The following RHOBTB1 variants were observed in gnomAD, a reference collection of about 807,000 sequenced individuals.
RHOBTB1 encodes Rho related BTB domain containing 1, also known as rho-related BTB domain-containing protein 1.
In RHOBTB1, 40 loss-of-function variants were observed where a neutral mutation model predicts 71.6. The ratio of observed to expected loss-of-function variants is 0.56; its 90% confidence interval spans 0.43 to 0.73. RHOBTB1 has a LOEUF of 0.73. Among genes scored for constraint, RHOBTB1 ranks in the 30% least tolerant of loss-of-function variants. The pLI is 0.00. For missense variants in RHOBTB1, 797 were observed against 894.0 expected, an observed-to-expected ratio of 0.89 and a Z score of 1.38; for synonymous variants, 319 against 334.9, an observed-to-expected ratio of 0.95 and a Z score of 0.52.
At position 60,888,656 on chromosome 10, in the gene RHOBTB1, G is replaced by A. The variant is rs747044660; in HGVS notation, c.1012C>T (p.Pro338Ser). The change falls in exon 6 of 11, where the codon CCT (proline) becomes TCT (serine). Residue 338 changes from proline (P) to serine (S), a missense_variant. This residue lies in a region of RHOBTB1 where 658 missense variants were observed against 681.5 expected (regional missense o/e 0.97). Transcript: ENST00000337910. ...CACTGGTCGGCCTGAGGAATCCTAG[G>A]CGGGCCCTCCTCCCTTTCTTCCTCT... ...DPEEEREEGP[P>S]RIPQADQWKS... 30 of 1,614,182 alleles carry A rather than the reference G, an allele frequency of 1.9e-5. No homozygotes were observed. Among genetic ancestry groups the A allele is most frequent in the Non-Finnish European group, 2.5e-5 (29 of 1,180,040 alleles).
At chr10:60,988,697 A>T (rs760683129) in intron 1 of RHOBTB1, among the ~76,000 whole-genome samples, 2 of 152,216 alleles carry the variant, frequency 1.3e-5, no homozygotes, top group Admixed American at 1.3e-4. Context: ...TCTTTATTCA[A>T]TCCACCACTG....
intron 2 of RHOBTB1, among the ~76,000 whole-genome samples, chr10:60,961,319 A>T (rs2085769004): frequency 6.6e-6 from 1 of 152,150 alleles, no homozygotes; most frequent in East Asian, 1.9e-4. Flanking sequence ...CCCTGGCTCC[A>T]CTGCTTACTA....
chr10:60,865,941 C>T (rs961080572), downstream of RHOBTB1, among the ~76,000 whole-genome samples: 2 of 152,158 alleles, frequency 1.3e-5, no homozygotes, highest in Non-Finnish European at 2.9e-5. Context: ...AAGCAATTTT[C>T]CTGCCTCAGC....
intron 7 of RHOBTB1, among the ~76,000 whole-genome samples, chr10:60,883,187 C>T (rs905992363): frequency 1.3e-5 from 2 of 152,120 alleles, no homozygotes; most frequent in Admixed American, 6.5e-5. Context: ...GGCTTGGTTC[C>T]GTGGTCTTTG....
intron 2 of RHOBTB1, among the ~76,000 whole-genome samples, chr10:60,982,875 T>C (rs2086547213): frequency 1.3e-5 from 2 of 152,156 alleles, no homozygotes; most frequent in African/African-American, 4.8e-5. Context: ...GTGCGTTTCA[T>C]TTGCCCTCTT....
chr10:60,959,029 A>C (rs1422627950), intron 2 of RHOBTB1, among the ~76,000 whole-genome samples: 1 of 152,192 alleles, frequency 6.6e-6, no homozygotes, highest in East Asian at 1.9e-4. Context: ...ACAATAGTAC[A>C]TCAGGACTAA....
chr10:60,972,178 C>A (rs2086179706), intron 2 of RHOBTB1, among the ~76,000 whole-genome samples: 1 of 152,172 alleles, frequency 6.6e-6, no homozygotes, highest in Non-Finnish European at 1.5e-5. Context: ...ACCCAGCAAT[C>A]CCATTATTGA....
At chr10:60,904,556 C>T (rs999019535) in intron 4 of RHOBTB1, among the ~76,000 whole-genome samples, 4 of 152,178 alleles carry the variant, frequency 2.6e-5, no homozygotes, top group African/African-American at 9.7e-5. Context: ...GTCCCTTACT[C>T]AAAAGCTCTC....
At chr10:60,945,595 G>A (rs2085191300), upstream of RHOBTB1, among the ~76,000 whole-genome samples, 1 of 152,120 alleles carries the variant, frequency 6.6e-6, no homozygotes, top group African/African-American at 2.4e-5. Context: ...CCAGTCCAGT[G>A]GATATTTCTA....
chr10:60,921,545 C>T (rs1363447125), intron 2 of RHOBTB1, among the ~76,000 whole-genome samples: 1 of 152,210 alleles, frequency 6.6e-6, no homozygotes, highest in African/African-American at 2.4e-5. Context: ...ATTCCACTTC[C>T]ACCCCACTGA....
At chr10:60,999,407 G>T (rs1413612737) in intron 1 of RHOBTB1, among the ~76,000 whole-genome samples, 1 of 152,196 alleles carries the variant, frequency 6.6e-6, no homozygotes, top group Non-Finnish European at 1.5e-5. Flanking sequence ...ATACTTAAAA[G>T]TAGCGTATAA....
At chr10:60,872,549 C>T (rs1273259492) in intron 9 of RHOBTB1, among the ~76,000 whole-genome samples, 3 of 152,100 alleles carry the variant, frequency 2.0e-5, no homozygotes, top group Non-Finnish European at 4.4e-5. Context: ...TTAAAGTATG[C>T]CTCGCCCTCC....
At chr10:60,867,251 T>C (rs1452341254), downstream of RHOBTB1, among the ~76,000 whole-genome samples, 1 of 152,204 alleles carries the variant, frequency 6.6e-6, no homozygotes, top group African/African-American at 2.4e-5. Context: ...AATCAAAGGA[T>C]ATATTTATTT....
intron 1 of RHOBTB1, among the ~76,000 whole-genome samples, chr10:60,997,272 G>T (rs1040375877): frequency 4.6e-5 from 7 of 152,110 alleles, no homozygotes; most frequent in Admixed American, 2.0e-4. Context: ...ATTGTGATTG[G>T]ATCTCAAAAT....
At position 60,896,802 on chromosome 10, in the gene RHOBTB1, T is replaced by A. The variant is rs1432894193; in HGVS notation, c.297-3807A>T. Among the ~76,000 whole-genome samples the A allele has an allele frequency of 2.0e-5, 3 of 152,156 alleles. No homozygotes were observed. The East Asian group carries it at 5.8e-4, about 29-fold the overall frequency. On this transcript the variant is annotated intron_variant, in intron 4 of 10. Coordinates refer to ENST00000337910, the MANE Select transcript of RHOBTB1 (RefSeq NM_014836.5). ...AATGTCCATGAAATAATGTTTTGAC[T>A]AGTCAAATCAAAAACAATCTGAAAT...
At chr10:60,932,205 A>G (rs992612709) in intron 2 of RHOBTB1, among the ~76,000 whole-genome samples, 3 of 152,172 alleles carry the variant, frequency 2.0e-5, no homozygotes, top group Non-Finnish European at 4.4e-5. Context: ...GCAGACGTCT[A>G]CACATTTTCA....
At chr10:60,890,693 T>C (rs560708191) in intron 5 of RHOBTB1, among the ~76,000 whole-genome samples, 1 of 152,282 alleles carries the variant, frequency 6.6e-6, no homozygotes, top group South Asian at 2.1e-4. Context: ...CAGACACTGG[T>C]CTTAGGAGGA....
At chr10:61,001,079 CGTGT>C (rs139082859) in intron 1 of RHOBTB1, among the ~76,000 whole-genome samples, 49 of 149,858 alleles carry the variant, frequency 3.3e-4, no homozygotes, top group African/African-American at 7.6e-4. Context: ...CGCGCGCACG[CGTGT>C]GTGTGTGTGT....
chr10:60,962,647 A>G (rs975185341), intron 2 of RHOBTB1, among the ~76,000 whole-genome samples: 3 of 152,146 alleles, frequency 2.0e-5, no homozygotes, highest in Admixed American at 1.3e-4. Context: ...GAAGTTTTCC[A>G]TTTAAGAAGT....
Sources: allele counts gnomAD v4.1 joint callset (sites outside exome capture counted in the v4.1 genomes callset), GRCh38; gene constraint gnomAD v4.1.1; regional missense constraint gnomAD v4.1.1; transcripts MANE v1.5; gene names NCBI Gene and HGNC (gene_info 2026-07-23, HGNC 2026-07-21).